The following PREX2 variants were observed in gnomAD, a reference collection of about 807,000 sequenced individuals.
PREX2 encodes the protein phosphatidylinositol-3,4,5-trisphosphate dependent Rac exchange factor 2, also known as phosphatidylinositol 3,4,5-trisphosphate-dependent Rac exchanger 2 protein.
PREX2 carries 107 observed loss-of-function variants against 203.2 expected under a neutral mutation model. The observed-to-expected ratio is 0.53, with a 90% confidence interval of 0.45 to 0.62. PREX2 has a LOEUF of 0.62. Ranked by LOEUF, PREX2 falls within the 20% of genes least tolerant of loss-of-function variation. PREX2 has a pLI of 0.00. For missense variants in PREX2, 1,777 were observed against 1,955.9 expected (o/e 0.91, Z 1.72); for synonymous variants, 672 against 663.6 (o/e 1.01, Z -0.19).
At chr8:68,037,980 G>A (rs909210953) in intron 6 of PREX2, among the ~76,000 whole-genome samples, 179 bp from the exon 7 acceptor site, 2 of 152,106 alleles carry the variant, frequency 1.3e-5, no homozygotes, top group African/African-American at 4.8e-5. Context: ...ACTGATCGGG[G>A]GAAACTGGGG....
intron 39 of PREX2, among the ~76,000 whole-genome samples, chr8:68,226,761 A>G (rs1319003604): frequency 6.6e-6 from 1 of 152,202 alleles, no homozygotes; most frequent in East Asian, 1.9e-4. Flanking sequence ...ATGGAATAGA[A>G]TGAAAATAGT....
chr8:68,091,679 C>G (rs768173099), intron 20 of PREX2, among the ~76,000 whole-genome samples: 94 of 152,150 alleles, frequency 6.2e-4, no homozygotes, highest in Admixed American at 2.6e-3. Context: ...TTGATAGAAG[C>G]TTGATAAATA....
At chr8:68,157,986 C>A (rs1264828725) in intron 35 of PREX2, among the ~76,000 whole-genome samples, 1 of 151,372 alleles carries the variant, frequency 6.6e-6, no homozygotes, top group Non-Finnish European at 1.5e-5. Flanking sequence ...GGAAAATTAA[C>A]CACAGTAAGT....
intron 30 of PREX2, among the ~76,000 whole-genome samples, chr8:68,121,925 T>C (rs1360083226): frequency 6.6e-6 from 1 of 152,172 alleles, no homozygotes; most frequent in Non-Finnish European, 1.5e-5. Context: ...CAATAAATAC[T>C]ATTCCTGTGT....
At position 68,217,726 on chromosome 8, in the gene PREX2, T is replaced by A. The variant is rs778655257; in HGVS notation, c.4707+8T>A. On this transcript the variant is annotated splice_region_variant and intron_variant, in intron 38 of 39. Coordinates refer to ENST00000288368, the MANE Select transcript of PREX2 (RefSeq NM_024870.4). ...GATGTGATGCGGAAGCAGGTAGGTC[T>A]CATGCAGACTTGGGAATAGTTGTTT... 3.7e-6 allele frequency: 6 copies of A among 1,601,102 alleles called. No individual in the cohort carries two copies. Among genetic ancestry groups the A allele is most frequent in the Non-Finnish European group, 5.1e-6 (6 of 1,168,594 alleles).
At chr8:68,177,514 A>G (rs1014674629) in intron 35 of PREX2, among the ~76,000 whole-genome samples, 2 of 152,192 alleles carry the variant, frequency 1.3e-5, no homozygotes, top group African/African-American at 4.8e-5. Context: ...ATAGCGAGCT[A>G]TGATTGCATC....
chr8:68,144,292 C>A (rs949752956), intron 33 of PREX2, among the ~76,000 whole-genome samples: 2 of 152,074 alleles, frequency 1.3e-5, no homozygotes, highest in African/African-American at 2.4e-5. Context: ...GAAATGACAC[C>A]TTGACAATAG....
intron 37 of PREX2, among the ~76,000 whole-genome samples, chr8:68,206,103 T>C (rs1233267051): frequency 6.6e-6 from 1 of 152,184 alleles, no homozygotes; most frequent in East Asian, 1.9e-4. Context: ...TCGAATTTGG[T>C]AGAGTAGAAA....
chr8:68,179,614 C>G (rs569191972), intron 35 of PREX2, among the ~76,000 whole-genome samples: 1 of 152,074 alleles, frequency 6.6e-6, no homozygotes, highest in Non-Finnish European at 1.5e-5. Context: ...CCAACACTTG[C>G]CAGGCAAAGA....
At chr8:68,173,793 C>T (rs937568778) in intron 35 of PREX2, among the ~76,000 whole-genome samples, 1 of 152,068 alleles carries the variant, frequency 6.6e-6, no homozygotes, top group African/African-American at 2.4e-5. Flanking sequence ...TTGAAGAGAA[C>T]CTCCTCTGTC....
chr8:68,124,173 A>G (rs920194479), intron 30 of PREX2, among the ~76,000 whole-genome samples: 4 of 152,084 alleles, frequency 2.6e-5, no homozygotes, highest in Non-Finnish European at 5.9e-5. Context: ...ATTCTATCAT[A>G]AAGATATGTG....
intron 1 of PREX2, among the ~76,000 whole-genome samples, chr8:68,003,917 C>T (rs948103798): frequency 2.8e-5 from 4 of 145,132 alleles, no homozygotes; most frequent in Admixed American, 7.1e-5. Context: ...GGCGCAATCT[C>T]GGCTCACTGC....
chr8:68,112,557 A>C (rs896911353), intron 25 of PREX2, among the ~76,000 whole-genome samples: 2 of 152,108 alleles, frequency 1.3e-5, no homozygotes, highest in African/African-American at 4.8e-5. Flanking sequence ...TTTTGCTACT[A>C]AATGTACAAC....
chr8:68,197,711 A>G (rs1812425290), intron 37 of PREX2, among the ~76,000 whole-genome samples: 1 of 148,586 alleles, frequency 6.7e-6, no homozygotes, highest in African/African-American at 2.4e-5. Context: ...TACAATATAT[A>G]TATAATCTAT....
intron 1 of PREX2, among the ~76,000 whole-genome samples, chr8:67,955,182 G>A (rs1039756329): frequency 6.5e-4 from 97 of 148,136 alleles, no homozygotes; most frequent in African/African-American, 2.2e-3. Context: ...GAAATCATAT[G>A]GCTAGAGGGA....
At chr8:68,029,041 T>C (rs563908743) in intron 5 of PREX2, among the ~76,000 whole-genome samples, 1 of 152,188 alleles carries the variant, frequency 6.6e-6, no homozygotes, top group Admixed American at 6.6e-5. Flanking sequence ...GCATTGATAT[T>C]TGTCTGTGTT....
Position 68,234,532 on chromosome 8 carries a change from G to C in PREX2, c.*3154G>C, listed in dbSNP as rs1199158590. ...TTCCAAATATTACAAAATTTAATGT[G>C]ATATTAAAGTATGAAAAATTTGAGA... is the stretch of plus-strand genomic sequence containing the variant. On this transcript the variant is annotated 3_prime_UTR_variant, in exon 40 of 40. Coordinates refer to ENST00000288368, the MANE Select transcript of PREX2 (RefSeq NM_024870.4). 1 of 151,916 alleles carries C rather than the reference G, an allele frequency of 6.6e-6. No homozygotes were observed. Among genetic ancestry groups the C allele is most frequent in the African/African-American group, 2.4e-5 (1 of 41,336 alleles). The allele number at this position is 151,916 out of a possible 1,614,324, so 9.4% of individuals were successfully genotyped here.
intron 35 of PREX2, among the ~76,000 whole-genome samples, chr8:68,175,534 A>G (rs533798817): frequency 2.0e-5 from 3 of 152,306 alleles, no homozygotes; most frequent in East Asian, 3.9e-4. Flanking sequence ...TGAGAACCCT[A>G]AGTAGATACA....
chr8:68,083,552 A>G (rs1016861954), intron 18 of PREX2, among the ~76,000 whole-genome samples, 164 bp downstream of exon 18: 3 of 152,218 alleles, frequency 2.0e-5, no homozygotes, highest in African/African-American at 2.4e-5. Context: ...GAGAAGCTAC[A>G]TCGCTTGTGA....
Sources: gnomAD v4.1 joint callset for allele counts (sites outside exome capture counted in the v4.1 genomes callset) on GRCh38, gnomAD v4.1.1 for gene constraint, MANE v1.5 for transcripts, NCBI Gene and HGNC (gene_info 2026-07-23, HGNC 2026-07-21) for gene names.